HCN1: variants seen among roughly 807,000 people sequenced by gnomAD.
HCN1 encodes the protein hyperpolarization activated cyclic nucleotide gated potassium channel 1, also known as potassium/sodium hyperpolarization-activated cyclic nucleotide-gated channel 1.
Under a neutral mutation model 78.9 loss-of-function variants are expected in HCN1, and 13 were observed. The ratio of observed to expected loss-of-function variants is 0.16; its 90% CI spans 0.11 to 0.26. The LOEUF is 0.26. HCN1 is among the 10% of genes least tolerant of loss of function. The pLI, the probability that HCN1 is intolerant of heterozygous loss-of-function variation, is 1.00. For missense variants in HCN1, 810 were observed against 1,154.3 expected, an observed-to-expected ratio of 0.70 and a Z score of 4.32; for synonymous variants, 552 against 455.5, an observed-to-expected ratio of 1.21 and a Z score of -2.70.
intron 2 of HCN1, among the ~76,000 whole-genome samples, chr5:45,505,924 A>G (rs908679076): frequency 2.6e-5 from 4 of 152,118 alleles, no homozygotes; most frequent in Admixed American, 6.6e-5. Context: ...GCTTGCCTCA[A>G]TATGTTATTA....
At chr5:45,531,765 C>G (rs1742857183) in intron 2 of HCN1, among the ~76,000 whole-genome samples, 1 of 152,022 alleles carries the variant, frequency 6.6e-6, no homozygotes, top group African/African-American at 2.4e-5. Flanking sequence ...TGAGGCTTGG[C>G]ACGGTGGCTC....
At chr5:45,322,432 C>T (rs1421884804) in intron 5 of HCN1, among the ~76,000 whole-genome samples, 4 of 151,674 alleles carry the variant, frequency 2.6e-5, no homozygotes. Context: ...AACAACAACC[C>T]AATGAAACAC....
At chr5:45,343,784 T>A (rs980857942) in intron 5 of HCN1, among the ~76,000 whole-genome samples, 4 of 151,718 alleles carry the variant, frequency 2.6e-5, no homozygotes, top group African/African-American at 9.7e-5. Flanking sequence ...TAAAAGATAA[T>A]AAATTCAAAG....
chr5:45,510,357 G>T (rs1742389732), intron 2 of HCN1, among the ~76,000 whole-genome samples: 1 of 152,090 alleles, frequency 6.6e-6, no homozygotes, highest in African/African-American at 2.4e-5. Flanking sequence ...TGAATTGAGT[G>T]TTCAGGAACA....
chr5:45,396,477 A>C lies in HCN1; in HGVS notation c.1230+15T>G, dbSNP rs771818579. The stretch of plus-strand genomic sequence containing the variant: ...TAGCTGGTTAAAGACATTGGCGATA[A>C]ATAAAACAAATTACCTTCTCTTGAT... On this transcript the variant is annotated intron_variant, in intron 4 of 7. Coordinates refer to ENST00000303230, the MANE Select transcript of HCN1 (RefSeq NM_021072.4). 1 of 1,608,630 alleles carries C rather than the reference A, an allele frequency of 6.2e-7. No individual in the cohort carries two copies.
At chr5:45,290,158 G>A (rs934200998) in intron 6 of HCN1, among the ~76,000 whole-genome samples, 2 of 152,008 alleles carry the variant, frequency 1.3e-5, no homozygotes, top group African/African-American at 4.8e-5. Context: ...CTGCCACCAT[G>A]TAAGACATTC....
intron 5 of HCN1, among the ~76,000 whole-genome samples, chr5:45,308,985 T>C (rs182886396): frequency 6.6e-6 from 1 of 152,212 alleles, no homozygotes; most frequent in Non-Finnish European, 1.5e-5. Flanking sequence ...ATATTGATTC[T>C]TCTTATCCAT....
At chr5:45,360,395 T>G (rs981575664) in intron 4 of HCN1, among the ~76,000 whole-genome samples, 7 of 152,010 alleles carry the variant, frequency 4.6e-5, no homozygotes, top group Non-Finnish European at 1.0e-4. Context: ...ATGACTAATC[T>G]ATCTTAATTT....
At chr5:45,650,764 A>T (rs1282163414) in intron 1 of HCN1, among the ~76,000 whole-genome samples, 4 of 151,952 alleles carry the variant, frequency 2.6e-5, no homozygotes, top group Non-Finnish European at 5.9e-5. Context: ...ATCAAGAAGA[A>T]TTTCAAATTC....
intron 2 of HCN1, among the ~76,000 whole-genome samples, chr5:45,474,028 G>T (rs1741463421): frequency 2.0e-5 from 3 of 151,626 alleles, no homozygotes; most frequent in South Asian, 4.1e-4. Flanking sequence ...ATTCCATTTT[G>T]TTTGTCATTC....
intron 2 of HCN1, among the ~76,000 whole-genome samples, chr5:45,527,239 AT>A (rs372770539): frequency 2.9e-5 from 4 of 137,388 alleles, no homozygotes; most frequent in South Asian, 5.0e-4. Context: ...TGTTATATTA[AT>A]TTTTTTATAT....
intron 4 of HCN1, among the ~76,000 whole-genome samples, chr5:45,395,102 T>A (rs1739661934): frequency 6.6e-6 from 1 of 152,010 alleles, no homozygotes; most frequent in South Asian, 2.1e-4. Context: ...ATCACTGCAA[T>A]CCTGGAAGTT....
intron 2 of HCN1, among the ~76,000 whole-genome samples, chr5:45,509,631 T>C (rs1023172487): frequency 1.3e-5 from 2 of 152,142 alleles, no homozygotes; most frequent in Non-Finnish European, 1.5e-5. Context: ...TGTCAACTCA[T>C]TTTCAACTAG....
chr5:45,357,198 A>G (rs1409907800), intron 4 of HCN1, among the ~76,000 whole-genome samples: 2 of 152,048 alleles, frequency 1.3e-5, no homozygotes, highest in Admixed American at 6.6e-5. Context: ...AAAATCCCCA[A>G]GTAAACGACT....
At chr5:45,302,749 G>T (rs1024305551) in intron 6 of HCN1, among the ~76,000 whole-genome samples, 1 of 151,962 alleles carries the variant, frequency 6.6e-6, no homozygotes, top group African/African-American at 2.4e-5. Flanking sequence ...GACCCAGGGG[G>T]AGGTAATTGA....
At chr5:45,434,769 CT>C (rs1336984263) in intron 3 of HCN1, among the ~76,000 whole-genome samples, 4 of 152,010 alleles carry the variant, frequency 2.6e-5, no homozygotes, top group African/African-American at 9.7e-5. Flanking sequence ...TTTTATAAGT[CT>C]TACAACAATG....
intron 3 of HCN1, among the ~76,000 whole-genome samples, chr5:45,404,743 T>TATTTATTCTCC (rs1739888198): frequency 1.2e-5 from 1 of 82,904 alleles, no homozygotes; most frequent in Non-Finnish European, 2.7e-5. Context: ...GAAAAAGGAA[T>TATTTATTCTCC]ATTTATTCTC....
At chr5:45,536,247 G>A (rs1375364036) in intron 2 of HCN1, among the ~76,000 whole-genome samples, 1 of 152,044 alleles carries the variant, frequency 6.6e-6, no homozygotes, top group Non-Finnish European at 1.5e-5. Flanking sequence ...CTTCTGGGAA[G>A]TTTTCATCTA....
At position 45,306,126 on chromosome 5, in the gene HCN1, G is replaced by C. The variant is rs184378206; in HGVS notation, c.1378-2287C>G. On this transcript the variant is annotated intron_variant, in intron 5 of 7. Coordinates refer to ENST00000303230, the MANE Select transcript of HCN1 (RefSeq NM_021072.4). ...GAAAATAGCTAGATGAGTTGATTGA[G>C]AGTTAATTATTTCACATGTAAAATG... 1.3e-3 allele frequency among the ~76,000 whole-genome samples: 192 copies of C among 152,120 alleles called. 2 individuals carry two copies. Among genetic ancestry groups the C allele is most frequent in the Admixed American group, 2.2e-3 (33 of 15,264 alleles).
Sources: allele counts gnomAD v4.1 joint callset (sites outside exome capture counted in the v4.1 genomes callset), GRCh38; gene constraint gnomAD v4.1.1; transcripts MANE v1.5; gene names NCBI Gene and HGNC (gene_info 2026-07-23, HGNC 2026-07-21).